The following GALNT11 variants were observed in gnomAD, a reference collection of about 807,000 sequenced individuals.
GALNT11 encodes polypeptide N-acetylgalactosaminyltransferase 11.
A neutral mutation model predicts 72.7 loss-of-function variants in GALNT11; 47 were observed. The ratio of observed to expected loss-of-function variants is 0.65; its 90% confidence interval spans 0.51 to 0.82. GALNT11 has a LOEUF of 0.82. Ranked by LOEUF, GALNT11 falls within the 40% of genes least tolerant of loss-of-function variation. GALNT11 has a pLI of 0.00. For synonymous variants in GALNT11, 270 were observed against 286.6 expected, an observed-to-expected ratio of 0.94 and a Z score of 0.58; for missense variants, 677 against 778.4, an observed-to-expected ratio of 0.87 and a Z score of 1.55.
rs368323688 is a variant in GALNT11, at chr7:152,103,221, C to G, written c.529C>G (p.Arg177Gly). Residue 177 changes from arginine to glycine, a missense_variant, in exon 4 of 12, where the codon CGC becomes GGC. Physicochemically the swap from Arg to Gly is moderately radical, Grantham distance 125 (BLOSUM62 -2). Coordinates refer to ENST00000430044, the MANE Select transcript of GALNT11 (RefSeq NM_022087.4). ...LLRTVHSVID[R>G]TPAHLLHEII... ...TCGGACAGTGCACAGTGTCATAGAC[C>G]GCACGCCAGCACACCTGCTTCATGA... The G allele has an allele frequency of 1.9e-6, 3 of 1,613,488 alleles. No homozygotes were observed. Among genetic ancestry groups the G allele is most frequent in the African/African-American group, 2.7e-5 (2 of 74,906 alleles).
intron 2 of GALNT11, among the ~76,000 whole-genome samples, chr7:152,097,875 T>C (rs2086497197): frequency 6.6e-6 from 1 of 152,200 alleles, no homozygotes; most frequent in African/African-American, 2.4e-5. Context: ...ACTGCTTTAA[T>C]GGGTATAGGG....
intron 1 of GALNT11, among the ~76,000 whole-genome samples, chr7:152,090,077 G>A (rs1331217784): frequency 1.3e-5 from 2 of 152,142 alleles, no homozygotes; most frequent in Non-Finnish European, 2.9e-5. Context: ...TTCAGTCCCT[G>A]ATCAAGGAAA....
At chr7:152,054,678 ATTTT>A (rs765064933) in intron 1 of GALNT11, among the ~76,000 whole-genome samples, 1 of 143,098 alleles carries the variant, frequency 7.0e-6, no homozygotes, top group Admixed American at 7.0e-5. Context: ...TGTCTGGCTA[ATTTT>A]TTTTTTTTTG....
At chr7:152,115,822 C>T (rs2088784396) in intron 8 of GALNT11, among the ~76,000 whole-genome samples, 2 of 151,292 alleles carry the variant, frequency 1.3e-5, no homozygotes, top group Admixed American at 6.6e-5. Context: ...TTTGCGAGGC[C>T]GAGGCAGGAG....
intron 1 of GALNT11, among the ~76,000 whole-genome samples, chr7:152,037,330 A>G (rs1031401199): frequency 6.6e-6 from 1 of 152,150 alleles, no homozygotes; most frequent in East Asian, 1.9e-4. Flanking sequence ...TCCTTTTCCC[A>G]ATGTATGTTC....
At chr7:152,046,470 T>C (rs973960833) in intron 1 of GALNT11, among the ~76,000 whole-genome samples, 1 of 152,184 alleles carries the variant, frequency 6.6e-6, no homozygotes, top group Non-Finnish European at 1.5e-5. Context: ...GCTTTATGTA[T>C]CTGGGTGCTC....
chr7:152,102,981 CAA>C (rs11358024), intron 3 of GALNT11, 129 bp from the exon 4 acceptor site: 15,298 of 586,828 alleles, frequency 0.026, 33 homozygotes, highest in African/African-American at 0.064. Flanking sequence ...GACTCCGTCT[CAA>C]AAAAAAAAAA....
chr7:152,063,101 T>G (rs1392801917), intron 1 of GALNT11, among the ~76,000 whole-genome samples: 4 of 152,004 alleles, frequency 2.6e-5, no homozygotes, highest in Non-Finnish European at 4.4e-5. Context: ...GTCCTGGACT[T>G]TTTTTTGTTG....
At chr7:152,058,249 A>G (rs185300651) in intron 1 of GALNT11, among the ~76,000 whole-genome samples, 3 of 152,128 alleles carry the variant, frequency 2.0e-5, no homozygotes, top group Non-Finnish European at 4.4e-5. Flanking sequence ...GTGAGTGGTA[A>G]TCTTTTTGCT....
intron 1 of GALNT11, among the ~76,000 whole-genome samples, chr7:152,030,028 G>A (rs1231583513): frequency 6.6e-6 from 1 of 152,222 alleles, no homozygotes; most frequent in Non-Finnish European, 1.5e-5. Context: ...ACTTTACTGT[G>A]GCTTTTAAAG....
chr7:152,118,310 T>C lies in GALNT11; in HGVS notation c.1453-368T>C, dbSNP rs998874914. 7 of 239,076 alleles carry C rather than the reference T, an allele frequency of 2.9e-5. No homozygotes were observed. The South Asian group carries it at 3.3e-4, about 11-fold the overall frequency. 14.8% of individuals were successfully genotyped at this position (239,076 alleles called of 1,614,324 possible). Reference sequence around the variant, plus strand: ...GTGTAGCATGCATATTGCATTTCATTGTGTACTTTTTTATACATGTTGTTC... The same window carrying C: ...GTGTAGCATGCATATTGCATTTCATCGTGTACTTTTTTATACATGTTGTTC... On this transcript the variant is annotated intron_variant, in intron 9 of 11. Transcript: ENST00000430044.
At chr7:152,031,467 A>G (rs1461183023) in intron 1 of GALNT11, among the ~76,000 whole-genome samples, 3 of 152,202 alleles carry the variant, frequency 2.0e-5, no homozygotes, top group Non-Finnish European at 4.4e-5. Context: ...GTTGTCTGAT[A>G]GCCATAAACT....
intron 10 of GALNT11, 27 bp from the exon 11 acceptor site, chr7:152,120,804 A>G: frequency 8.3e-6 from 13 of 1,562,974 alleles, no homozygotes; most frequent in Non-Finnish European, 1.1e-5. Flanking sequence ...TTCGTTATCT[A>G]AATTTTATTT....
At chr7:152,063,908 T>C (rs144463510) in intron 1 of GALNT11, among the ~76,000 whole-genome samples, 7,665 of 152,230 alleles carry the variant, frequency 0.05, 656 homozygotes, top group African/African-American at 0.18. Context: ...GGAATAAGTG[T>C]GATGTGCTGA....
intron 1 of GALNT11, among the ~76,000 whole-genome samples, chr7:152,039,628 C>T (rs1173626435): frequency 6.6e-6 from 1 of 152,156 alleles, no homozygotes; most frequent in African/African-American, 2.4e-5. Context: ...TTGGCATCCT[C>T]CTCAGCGTCA....
chr7:152,059,336 A>C (rs117798325), intron 1 of GALNT11, among the ~76,000 whole-genome samples: 2,598 of 151,924 alleles, frequency 0.017, 34 homozygotes, highest in Middle Eastern at 0.089. Context: ...TCTAGGCCTC[A>C]AGTAACCCTC....
rs146058745 is a variant in GALNT11 at position 152,121,796 on chromosome 7, C to T, written c.*119C>T. On this transcript the variant is annotated 3_prime_UTR_variant, in exon 12 of 12. Transcript: ENST00000430044. ...CCATCTTGGAGAAGATGACAGTTCC[C>T]TGTCCTCCCGGAGATGCCTGGGTGT... is the stretch of plus-strand genomic sequence containing the variant. 251 of 1,320,078 alleles carry T rather than the reference C, an allele frequency of 1.9e-4. 1 individual carries two copies. The East Asian group carries it at 5.4e-3, about 28-fold the overall frequency. The allele number at this position is 1,320,078 out of a possible 1,614,324, so 81.8% of individuals were successfully genotyped here.
In GALNT11 at chr7:152,108,168, G is replaced by A. The variant is rs148150847; in HGVS notation, c.843G>A (p.Thr281=). 232 of 1,614,118 alleles carry A rather than the reference G, an allele frequency of 1.4e-4. 2 individuals are homozygous for A. In the African/African-American group the frequency reaches 2.3e-3, roughly 16 times the overall value. Residue 281 remains threonine, a synonymous_variant, in exon 6 of 12, where the codon ACG becomes ACA. Coordinates refer to ENST00000430044, the MANE Select transcript of GALNT11 (RefSeq NM_022087.4). ...CPVIDIISAD[T]LAYSSSPVVR... is the part of the protein sequence containing the mutation. Reference sequence around the variant, plus strand: ...TGATTGACATCATCAGCGCCGACACGCTGGCCTACAGCTCGTCCCCTGTCG... The same window carrying A: ...TGATTGACATCATCAGCGCCGACACACTGGCCTACAGCTCGTCCCCTGTCG...
chr7:152,112,991 T>A (rs2088410155), intron 7 of GALNT11, among the ~76,000 whole-genome samples: 1 of 152,184 alleles, frequency 6.6e-6, no homozygotes, highest in African/African-American at 2.4e-5. Flanking sequence ...TAAGTGCAAT[T>A]TCAGACTTAT....
Sources: gnomAD v4.1 joint callset for allele counts (sites outside exome capture counted in the v4.1 genomes callset) on GRCh38, gnomAD v4.1.1 for gene constraint, MANE v1.5 for transcripts, NCBI Gene and HGNC (gene_info 2026-07-23, HGNC 2026-07-21) for gene names.